The following RAPGEF4 variants were observed in gnomAD, a reference collection of about 807,000 sequenced individuals.
RAPGEF4 encodes the protein RAP guanine-nucleotide-exchange factor (GEF) 4.
RAPGEF4 carries 66 observed loss-of-function variants against 147.9 expected under a neutral mutation model. The observed-to-expected ratio is 0.45, with a 90% confidence interval of 0.37 to 0.55. The LOEUF is 0.55. Among genes scored for constraint, RAPGEF4 ranks in the 20% least tolerant of loss-of-function variants. The pLI is 0.00. For synonymous variants in RAPGEF4, 419 were observed against 442.7 expected, an observed-to-expected ratio of 0.95 and a Z score of 0.67; for missense variants, 1,071 against 1,257.3, an observed-to-expected ratio of 0.85 and a Z score of 2.24.
At chr2:172,977,282 A>T (rs928190144) in intron 10 of RAPGEF4, among the ~76,000 whole-genome samples, 9 of 151,752 alleles carry the variant, frequency 5.9e-5, no homozygotes, top group African/African-American at 1.9e-4. Flanking sequence ...TCTCTTCTCC[A>T]TTTTTTTTCC....
intron 6 of RAPGEF4, among the ~76,000 whole-genome samples, chr2:172,949,707 AG>A (rs1688020603): frequency 6.6e-6 from 1 of 152,256 alleles, no homozygotes; most frequent in South Asian, 2.1e-4. Flanking sequence ...ATCATTTACC[AG>A]AATAGTGTCC....
intron 6 of RAPGEF4, among the ~76,000 whole-genome samples, chr2:172,931,174 G>GA (rs1553533393): frequency 1.0e-5 from 1 of 98,230 alleles, no homozygotes; most frequent in African/African-American, 4.4e-5. Flanking sequence ...GGCCGGGGTG[G>GA]GGGGGGGGGG....
Position 173,042,494 on chromosome 2 carries a change from G to A in RAPGEF4, c.2853+5802G>A, listed in dbSNP as rs1178322589. On this transcript the variant is annotated intron_variant, in intron 29 of 30. Coordinates refer to ENST00000397081, the MANE Select transcript of RAPGEF4 (RefSeq NM_007023.4). The surrounding 1 kb of genome is among the most constrained non-coding windows in gnomAD (Gnocchi z 4.2). ...AAAAATTAGCCAGGCATGGTGGCGGGCGCCTGTAATCCCAGCTATTCAGGA... is the reference window on the plus strand; with the variant it reads ...AAAAATTAGCCAGGCATGGTGGCGGACGCCTGTAATCCCAGCTATTCAGGA... 1.3e-5 allele frequency among the ~76,000 whole-genome samples: 2 copies of A among 151,994 alleles called. No individual in the cohort carries two copies. The highest frequency in any genetic ancestry group is 1.3e-4 in the Admixed American group (2 of 15,270).
At chr2:172,883,355 C>G (rs139272516) in intron 4 of RAPGEF4, among the ~76,000 whole-genome samples, 110 of 152,238 alleles carry the variant, frequency 7.2e-4, no homozygotes, top group African/African-American at 2.3e-3. Flanking sequence ...CAACTCACAG[C>G]CTCAAGCTCC....
intron 4 of RAPGEF4, among the ~76,000 whole-genome samples, chr2:172,865,450 T>C (rs1221049379): frequency 6.6e-6 from 1 of 152,254 alleles, no homozygotes; most frequent in Non-Finnish European, 1.5e-5. Flanking sequence ...AGGAGGTCTT[T>C]ACTGAAAGTT....
At chr2:172,919,383 C>T (rs1361740803) in intron 5 of RAPGEF4, among the ~76,000 whole-genome samples, 5 of 152,134 alleles carry the variant, frequency 3.3e-5, no homozygotes, top group Non-Finnish European at 7.4e-5. Context: ...TCTAAAGTTA[C>T]CAGTGACCAA....
chr2:173,024,111 T>C (rs1696397219), intron 23 of RAPGEF4, among the ~76,000 whole-genome samples: 1 of 152,248 alleles, frequency 6.6e-6, no homozygotes, highest in Admixed American at 6.5e-5. Context: ...CTCTGTCCCC[T>C]GTGTAGAGTA....
At chr2:172,777,074 T>A (rs1263777107) in intron 1 of RAPGEF4, among the ~76,000 whole-genome samples, 1 of 152,176 alleles carries the variant, frequency 6.6e-6, no homozygotes, top group East Asian at 1.9e-4. Context: ...CAGCTTCCAT[T>A]TTCCTAGGCA....
rs1691969023 is a variant in RAPGEF4 at position 172,844,618 on chromosome 2, A to G, written c.444+30193A>G. Among the ~76,000 whole-genome samples, 3 of 152,222 alleles carry G rather than the reference A, an allele frequency of 2.0e-5. No individual in the cohort carries two copies. The South Asian group carries it at 6.2e-4, about 32-fold the overall frequency. On this transcript the variant is annotated intron_variant, in intron 4 of 30. Transcript: ENST00000397081. ...AGAAAATTATCCAGCAACTAAAAAAACACAATTAAAAAAGTCAGCCACAGT... is the reference window on the plus strand; with the variant it reads ...AGAAAATTATCCAGCAACTAAAAAAGCACAATTAAAAAAGTCAGCCACAGT...
intron 8 of RAPGEF4, among the ~76,000 whole-genome samples, chr2:172,964,401 ATTTTTTTTTTTT>A (rs11374637): frequency 4.3e-5 from 5 of 115,166 alleles, no homozygotes; most frequent in Admixed American, 2.0e-4. Flanking sequence ...TGCTCCTCCT[ATTTTTTTTTTTT>A]TTTTTTTTTT....
intron 1 of RAPGEF4, among the ~76,000 whole-genome samples, chr2:172,764,096 A>C (rs1398704219): frequency 1.3e-5 from 2 of 151,370 alleles, no homozygotes; most frequent in Non-Finnish European, 2.9e-5. Context: ...CTACAAAAAT[A>C]AAAAAAAATT....
intron 24 of RAPGEF4, 93 bp from the exon 25 acceptor site, chr2:173,026,988 T>C: frequency 8.6e-7 from 1 of 1,158,734 alleles, no homozygotes; most frequent in Non-Finnish European, 1.2e-6. Flanking sequence ...TCACATTTGC[T>C]GACCAGTAAA....
chr2:172,984,984 C>T (rs1278477745), intron 11 of RAPGEF4, among the ~76,000 whole-genome samples: 5 of 152,074 alleles, frequency 3.3e-5, no homozygotes, highest in East Asian at 1.9e-4. Flanking sequence ...TAAATGTGTT[C>T]GTTCATTTAG....
chr2:173,016,490 A>C, intron 19 of RAPGEF4, 53 bp downstream of exon 19: 1 of 1,438,240 alleles, frequency 7.0e-7, no homozygotes, highest in Non-Finnish European at 9.8e-7. Context: ...AATCTCAAAA[A>C]GTCCTTTGCC....
intron 29 of RAPGEF4, among the ~76,000 whole-genome samples, chr2:173,039,284 C>T (rs1405031329): frequency 1.3e-5 from 2 of 149,514 alleles, no homozygotes; most frequent in South Asian, 4.3e-4. Flanking sequence ...AGTGAAACCC[C>T]GTCTCTACTA....
At chr2:173,001,965 C>T (rs1034439127) in intron 17 of RAPGEF4, among the ~76,000 whole-genome samples, 10 of 124,526 alleles carry the variant, frequency 8.0e-5, no homozygotes, top group African/African-American at 1.8e-4. Context: ...GAAGTGTGAA[C>T]CAGCTTACCA....
intron 1 of RAPGEF4, among the ~76,000 whole-genome samples, chr2:172,769,617 G>A (rs886822836): frequency 2.6e-5 from 4 of 152,104 alleles, no homozygotes; most frequent in African/African-American, 9.7e-5. Flanking sequence ...GGTGCTCTCA[G>A]TTTGAAGTTC....
chr2:172,767,345 G>A (rs1042123061), intron 1 of RAPGEF4, among the ~76,000 whole-genome samples: 1 of 151,874 alleles, frequency 6.6e-6, no homozygotes, highest in African/African-American at 2.4e-5. Flanking sequence ...TGCCCGGCTA[G>A]TTTTTGTATT....
At chr2:172,832,157 T>A (rs1446011106) in intron 4 of RAPGEF4, among the ~76,000 whole-genome samples, 1 of 152,228 alleles carries the variant, frequency 6.6e-6, no homozygotes, top group African/African-American at 2.4e-5. Context: ...TTTGGGCACC[T>A]GTTGTCTTTT....
Sources: gnomAD v4.1 joint callset for allele counts (sites outside exome capture counted in the v4.1 genomes callset) on GRCh38, gnomAD v4.1.1 for gene constraint, Gnocchi (gnomAD v3.1) non-coding constraint, MANE v1.5 for transcripts, NCBI Gene and HGNC (gene_info 2026-07-23, HGNC 2026-07-21) for gene names.